PPAT: variants seen among roughly 807,000 people sequenced by gnomAD.
PPAT encodes phosphoribosyl pyrophosphate amidotransferase.
PPAT carries 20 observed loss-of-function variants against 60.2 expected under a neutral mutation model. The ratio of observed to expected loss-of-function variants is 0.33; its 90% CI spans 0.23 to 0.48. The LOEUF (loss-of-function observed/expected upper bound fraction) is 0.48, where lower values mean the gene tolerates loss of function less well. PPAT is among the 20% of genes least tolerant of loss of function. The probability of loss-of-function intolerance (pLI) is 0.99; values close to 1 mark genes in which losing one functional copy is unlikely to be tolerated. For synonymous variants in PPAT, 194 were observed against 215.1 expected (o/e 0.90, Z 0.86); for missense variants, 349 against 629.6 (o/e 0.55, Z 4.77).
At position 56,393,423 on chromosome 4, in the gene PPAT, G is replaced by C. The variant is rs573127103; in HGVS notation, c.*1929C>G. 6.6e-5 allele frequency: 10 copies of C among 151,330 alleles called. No homozygotes were observed. In the East Asian group the frequency reaches 1.9e-3, roughly 29 times the overall value. 9.4% of individuals were successfully genotyped at this position (151,330 alleles called of 1,614,324 possible). A position where few individuals can be genotyped will look rare whatever the true frequency, so the allele number is the denominator to read the frequency against. On this transcript the variant is annotated 3_prime_UTR_variant, in exon 11 of 11. Coordinates refer to ENST00000264220, the MANE Select transcript of PPAT (RefSeq NM_002703.5). Reference sequence around the variant, plus strand: ...CATCACAAATAAGTCACAAAAAGTAGGCTTAGTTTAGTTCACAATATAAAT... The same window carrying C: ...CATCACAAATAAGTCACAAAAAGTACGCTTAGTTTAGTTCACAATATAAAT...
chr4:56,435,559 G>C lies in PPAT; in HGVS notation c.-82C>G. 6.2e-7 allele frequency: 1 copy of C among 1,601,018 alleles called. No individual in the cohort carries two copies. ...ACCAGCTGCCAGCTCGGCCCGTCGA[G>C]CTCAGAAGCTCGCGCTCGCGACAGG... On this transcript the variant is annotated 5_prime_UTR_variant, in exon 1 of 11. Coordinates refer to ENST00000264220, the MANE Select transcript of PPAT (RefSeq NM_002703.5).
chr4:56,404,356 C>A (rs1178972620), intron 3 of PPAT, among the ~76,000 whole-genome samples: 1 of 152,004 alleles, frequency 6.6e-6, no homozygotes, highest in East Asian at 1.9e-4. Context: ...TGGTGGCTAC[C>A]CATCCTCATT....
In PPAT at chr4:56,435,410, C is replaced by T; in HGVS notation, c.68G>A (p.Trp23Ter). The change falls in exon 1 of 11, where the codon TGG becomes TAG. Residue 23 changes from tryptophan to a stop codon, truncating the protein, a stop_gained. Transcript: ENST00000264220. LOFTEE classifies it high-confidence loss of function. ...ATGCGGTACATCCAGCTGCGTGGGCCACTCTCCTGAGGCGATGCACCCGAA... is the reference window on the plus strand; with the variant it reads ...ATGCGGTACATCCAGCTGCGTGGGCTACTCTCCTGAGGCGATGCACCCGAA... Reference protein sequence around the residue: ...GVFGCIASGEWPTQLDVPHVI... With the variant: ...GVFGCIASGE 1 of 1,613,938 alleles carries T rather than the reference C, an allele frequency of 6.2e-7. No individual in the cohort carries two copies. The highest frequency in any genetic ancestry group is 8.5e-7 in the Non-Finnish European group (1 of 1,179,858).
At chr4:56,416,191 T>C (rs1716734665) in intron 1 of PPAT, among the ~76,000 whole-genome samples, 1 of 152,208 alleles carries the variant, frequency 6.6e-6, no homozygotes, top group South Asian at 2.1e-4. Flanking sequence ...ATGGAAAAAA[T>C]TAGATTTCTC....
chr4:56,400,731 C>G, intron 8 of PPAT, 53 bp downstream of exon 8: 1 of 1,522,716 alleles, frequency 6.6e-7, no homozygotes, highest in Non-Finnish European at 8.9e-7. Flanking sequence ...GCAAGGGTTT[C>G]TTATTCCACA....
At chr4:56,405,405 C>T (rs1247380509) in intron 3 of PPAT, among the ~76,000 whole-genome samples, 1 of 152,202 alleles carries the variant, frequency 6.6e-6, no homozygotes, top group Non-Finnish European at 1.5e-5. Context: ...TGATAGGTGT[C>T]CTTTTGTATG....
chr4:56,403,962 A>C (rs2110039611), intron 3 of PPAT: 1 of 412,018 alleles, frequency 2.4e-6, no homozygotes, highest in East Asian at 7.1e-5. Flanking sequence ...CTATAAATAC[A>C]GATGAAGTTT....
intron 6 of PPAT, among the ~76,000 whole-genome samples, 192 bp from the exon 7 acceptor site, chr4:56,401,673 A>G (rs557869247): frequency 1.3e-5 from 2 of 152,178 alleles, no homozygotes; most frequent in Non-Finnish European, 2.9e-5. Context: ...CTCTGTAAAC[A>G]CTAAGTTCTA....
intron 1 of PPAT, among the ~76,000 whole-genome samples, chr4:56,415,399 T>C (rs371451027): frequency 3.0e-4 from 45 of 152,360 alleles, no homozygotes; most frequent in African/African-American, 9.4e-4. Flanking sequence ...CTTTCTAAGA[T>C]GTACTTCATC....
intron 1 of PPAT, among the ~76,000 whole-genome samples, chr4:56,409,358 T>C (rs1484918074): frequency 6.6e-6 from 1 of 152,338 alleles, no homozygotes; most frequent in Admixed American, 6.5e-5. Context: ...AGATGTAAAT[T>C]AAAATCTCCA....
At position 56,402,171 on chromosome 4, in the gene PPAT, TG is replaced by T; in HGVS notation, c.671del (p.Thr224AsnfsTer79). On this transcript the variant is annotated frameshift_variant, in exon 6 of 11. Transcript: ENST00000264220. LOFTEE classifies it high-confidence loss of function. ...VSDINDKEKKTSETEGWVVSS... is the reference protein window; with the variant it reads ...VSDINDKEKKXSETEGWVVSS... Reference sequence around the variant, plus strand: ...ACACCACCCATCCTTCTGTTTCTGATGTTTTTTTCTCTGTAAATCACAAATC... The same window carrying T: ...ACACCACCCATCCTTCTGTTTCTGATTTTTTTTCTCTGTAAATCACAAATC... 1 of 1,605,296 alleles carries T rather than the reference TG, an allele frequency of 6.2e-7. No homozygotes were observed. Among genetic ancestry groups the T allele is most frequent in the South Asian group, 1.1e-5 (1 of 90,566 alleles).
chr4:56,401,223 T>C, intron 7 of PPAT, 107 bp downstream of exon 7: 4 of 1,049,942 alleles, frequency 3.8e-6, no homozygotes, highest in South Asian at 1.7e-5. Flanking sequence ...AACATATAAC[T>C]ATATGCCTTC....
At chr4:56,422,049 T>A (rs1001124146) in intron 1 of PPAT, 5 of 152,218 alleles carry the variant, frequency 3.3e-5, no homozygotes, top group African/African-American at 9.7e-5. Context: ...GGTGGGTGGA[T>A]CACTTGAGGC....
intron 1 of PPAT, among the ~76,000 whole-genome samples, chr4:56,424,399 T>C (rs967851313): frequency 2.4e-4 from 37 of 152,206 alleles, no homozygotes; most frequent in Non-Finnish European, 1.8e-4. Flanking sequence ...TAGGTTATCA[T>C]GCTCAGACCA....
At chr4:56,430,001 A>G (rs566139332) in intron 1 of PPAT, among the ~76,000 whole-genome samples, 10 of 152,290 alleles carry the variant, frequency 6.6e-5, no homozygotes, top group African/African-American at 2.2e-4. Flanking sequence ...GCTCAGGTCT[A>G]TAATTCCAGC....
At chr4:56,398,565 T>C (rs1001643897) in intron 9 of PPAT, among the ~76,000 whole-genome samples, 1 of 148,532 alleles carries the variant, frequency 6.7e-6, no homozygotes, top group African/African-American at 2.5e-5. Flanking sequence ...TCCTCCCACC[T>C]CAGCCTCCTA....
At chr4:56,400,719 A>G in intron 8 of PPAT, 65 bp downstream of exon 8, 2 of 1,463,408 alleles carry the variant, frequency 1.4e-6, no homozygotes, top group Non-Finnish European at 1.8e-6. Context: ...TTCTCTTTAT[A>G]GGCAAGGGTT....
At chr4:56,402,884 C>T (rs1716151526) in intron 5 of PPAT, among the ~76,000 whole-genome samples, 156 bp downstream of exon 5, 2 of 136,368 alleles carry the variant, frequency 1.5e-5, no homozygotes, top group South Asian at 2.3e-4. Context: ...CTCAAAGAAA[C>T]GTACTTTAAA....
At chr4:56,428,103 T>C (rs1366077329) in intron 1 of PPAT, among the ~76,000 whole-genome samples, 2 of 152,256 alleles carry the variant, frequency 1.3e-5, no homozygotes, top group Non-Finnish European at 2.9e-5. Context: ...TGTTTGAATA[T>C]GGACACAAAA....
Sources: gnomAD v4.1 joint callset for allele counts (sites outside exome capture counted in the v4.1 genomes callset) on GRCh38, gnomAD v4.1.1 for gene constraint, MANE v1.5 for transcripts, NCBI Gene and HGNC (gene_info 2026-07-23, HGNC 2026-07-21) for gene names.